The following FBXO2 variants were observed in gnomAD, a reference collection of about 807,000 sequenced individuals.
FBXO2 encodes F-box only protein 2.
Under a neutral mutation model 38.6 loss-of-function variants are expected in FBXO2, and 32 were observed. That is an observed-to-expected ratio of 0.83 (90% CI 0.62 to 1.11). The LOEUF (loss-of-function observed/expected upper bound fraction) is 1.11. Among genes scored for constraint, FBXO2 ranks in the 50% most tolerant of loss-of-function variants. The pLI is 0.00. For missense variants in FBXO2, 450 were observed against 418.3 expected (o/e 1.08, Z -0.66); for synonymous variants, 189 against 182.9 (o/e 1.03, Z -0.27).
chr1:11,650,081 G>A lies in FBXO2; in HGVS notation c.392-7C>T. 6.2e-6 allele frequency: 10 copies of A among 1,613,770 alleles called. No individual in the cohort carries two copies. Among genetic ancestry groups the A allele is most frequent in the Non-Finnish European group, 8.5e-6 (10 of 1,179,930 alleles). ...CACCAGCCTTCCAAGTCCTCTGTAG[G>A]GACACGACAGCCCCACCCTGGTCAC... On this transcript the variant is annotated splice_region_variant and splice_polypyrimidine_tract_variant and intron_variant, in intron 2 of 5. Transcript: ENST00000354287.
At position 11,649,952 on chromosome 1, in the gene FBXO2, A is replaced by G. The variant is rs753467420; in HGVS notation, c.514T>C (p.Ser172Pro). 1 of 1,613,890 alleles carries G rather than the reference A, an allele frequency of 6.2e-7. No individual in the cohort carries two copies. The highest frequency in any genetic ancestry group is 8.5e-7 in the Non-Finnish European group (1 of 1,179,968). The change falls in exon 3 of 6, where the codon TCC becomes CCC. Residue 172 changes from serine (S) to proline (P), a missense_variant. Ser to Pro is a moderately conservative substitution (Grantham distance 74). Coordinates refer to ENST00000354287, the MANE Select transcript of FBXO2 (RefSeq NM_012168.6). ...CCACCCCCTTCTCCTTACTCAAAGG[A>G]GGAGGCGAAGTACTTCTTGACGCTC... The part of the protein sequence containing the change: ...DESVKKYFAS[S>P]FEWCRKAQVI...
chr1:11,652,479 G>A lies in FBXO2; in HGVS notation c.23-1645C>T, dbSNP rs193290698. On this transcript the variant is annotated intron_variant, in intron 1 of 5. Transcript: ENST00000354287. ...AGACGTCCAAATCCCCTGAGGAAGG[G>A]GACAAGGGCATTCTGAATTGTAAGG... Among the ~76,000 whole-genome samples the A allele has an allele frequency of 4.6e-5, 7 of 152,334 alleles. No individual in the cohort carries two copies. In the East Asian group the frequency reaches 1.4e-3, roughly 29 times the overall value.
chr1:11,650,705 G>C lies in FBXO2; in HGVS notation c.152C>G (p.Pro51Arg). The C allele has an allele frequency of 6.5e-7, 1 of 1,531,110 alleles. No individual in the cohort carries two copies. The highest frequency in any genetic ancestry group is 8.7e-7 in the Non-Finnish European group (1 of 1,145,092). The allele number at this position is 1,531,110 out of a possible 1,614,324, so 94.8% of individuals were successfully genotyped here. The change falls in exon 2 of 6, where the codon CCC (proline) becomes CGC (arginine). Residue 51 changes from proline to arginine, a missense_variant. Transcript: ENST00000354287. ...CAGCACGCGCAGCAGCAGCGGCTCG[G>C]GCAGCTCGTCCAGGTACGCGGCGGC... Reference protein sequence around the residue: ...AAAAAYLDELPEPLLLRVLAA... With the variant: ...AAAAAYLDELREPLLLRVLAA...
At chr1:11,652,100 A>T (rs1399538191) in intron 1 of FBXO2, among the ~76,000 whole-genome samples, 3 of 152,196 alleles carry the variant, frequency 2.0e-5, no homozygotes, top group Non-Finnish European at 1.5e-5. Flanking sequence ...AAGTTCTGGG[A>T]TTACAGTCAT....
intron 1 of FBXO2, among the ~76,000 whole-genome samples, chr1:11,651,194 G>T (rs1205955537): frequency 6.6e-6 from 1 of 152,134 alleles, no homozygotes; most frequent in Non-Finnish European, 1.5e-5. Context: ...ACCACCCTCT[G>T]AGATTCCTGC....
intron 1 of FBXO2, among the ~76,000 whole-genome samples, chr1:11,651,691 G>A (rs78285627): frequency 0.012 from 1,785 of 150,026 alleles, 31 homozygotes; most frequent in African/African-American, 0.041. Flanking sequence ...AGTAGGCAGT[G>A]TTAGGATTTT....
intron 1 of FBXO2, 49 bp from the exon 2 acceptor site, chr1:11,650,883 C>A: frequency 6.5e-7 from 1 of 1,547,570 alleles, no homozygotes; most frequent in Non-Finnish European, 8.7e-7. Context: ...CCCTGTACTC[C>A]TCCAGGCCCC....
rs974271454 is a variant in FBXO2 at position 11,648,618 on chromosome 1, A to G, written c.*76T>C. The G allele has an allele frequency of 5.1e-6, 8 of 1,563,484 alleles. No individual in the cohort carries two copies. Among genetic ancestry groups the G allele is most frequent in the Middle Eastern group, 1.7e-4 (1 of 5,918 alleles). ...GTGGCTTGGGGAAGGTGAGGACGCT[A>G]TGGACTAAGTTAAGGCCTATCTACC... is the stretch of plus-strand genomic sequence containing the variant. On this transcript the variant is annotated 3_prime_UTR_variant, in exon 6 of 6. Coordinates refer to ENST00000354287, the MANE Select transcript of FBXO2 (RefSeq NM_012168.6). The surrounding 1 kb of genome is among the most constrained non-coding windows in gnomAD (Gnocchi z 4.2).
In FBXO2 at chr1:11,650,734, C is replaced by T. The variant is rs61749273; in HGVS notation, c.123G>A (p.Ala41=). The change falls in exon 2 of 6, where the codon GCG becomes GCA. Residue 41 remains alanine (A), a synonymous_variant. Transcript: ENST00000354287. ...RPEDQQEEEA[A]AAAAYLDELP... is the part of the protein sequence containing the mutation. ...GCTCGTCCAGGTACGCGGCGGCGGC[C>T]GCCGCCTCCTCCTCCTGCTGGTCCT... 6 of 1,183,822 alleles carry T rather than the reference C, an allele frequency of 5.1e-6. No homozygotes were observed. Among genetic ancestry groups the T allele is most frequent in the Non-Finnish European group, 4.6e-6 (4 of 866,336 alleles). 73.3% of individuals were successfully genotyped at this position (1,183,822 alleles called of 1,614,324 possible).
chr1:11,648,494 A>T lies in FBXO2; in HGVS notation c.*200T>A. The T allele has an allele frequency of 1.5e-6, 1 of 676,346 alleles. No homozygotes were observed. Among genetic ancestry groups the T allele is most frequent in the Non-Finnish European group, 2.5e-6 (1 of 406,658 alleles). The allele number at this position is 676,346 out of a possible 1,614,324, so 41.9% of individuals were successfully genotyped here. ...TCCAAGCTCACGCCCTCACGGATCT[A>T]CATTCTAGAAGCCGGCTACCTAAGC... On this transcript the variant is annotated 3_prime_UTR_variant, in exon 6 of 6. Transcript: ENST00000354287. The surrounding 1 kb of genome is among the most constrained non-coding windows in gnomAD (Gnocchi z 4.2).
chr1:11,648,824 G>A lies in FBXO2; in HGVS notation c.761C>T (p.Ser254Phe), dbSNP rs1403449284. Reference protein sequence around the residue: ...DSDGGGWMEISHTFTDYGPGV... With the variant: ...DSDGGGWMEIFHTFTDYGPGV... ...CGGCCCGTAGTCGGTGAAGGTGTGG[G>A]AGATCTGGGGGTGGAGGTAACAAGA... The change falls in exon 6 of 6, where the codon TCC becomes TTC. Residue 254 changes from serine to phenylalanine, a missense_variant. Ser to Phe is a radical substitution (Grantham distance 155). Transcript: ENST00000354287. This position sits in a 1 kb window ranked among gnomAD's most constrained non-coding sequence, Gnocchi z 4.2. The A allele has an allele frequency of 1.2e-6, 2 of 1,613,544 alleles. No individual in the cohort carries two copies. The highest frequency in any genetic ancestry group is 2.2e-5 in the East Asian group (1 of 44,896).
rs915055136 is a variant in FBXO2 at position 11,648,418 on chromosome 1, C to T, written c.*276G>A. On this transcript the variant is annotated 3_prime_UTR_variant, in exon 6 of 6. Transcript: ENST00000354287. This position sits in a 1 kb window ranked among gnomAD's most constrained non-coding sequence, Gnocchi z 4.2. ...GGACAAATAATATTTATTGAGAGCC[C>T]ACTTTGTGGCAAGCACTGTGCTAGG... is the stretch of plus-strand genomic sequence containing the variant. The T allele has an allele frequency of 1.1e-5, 5 of 439,564 alleles. No individual in the cohort carries two copies. The highest frequency in any genetic ancestry group is 4.4e-4 in the Middle Eastern group (1 of 2,292). 27.2% of individuals were successfully genotyped at this position (439,564 alleles called of 1,614,324 possible).
At chr1:11,652,215 G>T (rs550841481) in intron 1 of FBXO2, among the ~76,000 whole-genome samples, 1 of 152,190 alleles carries the variant, frequency 6.6e-6, no homozygotes, top group Non-Finnish European at 1.5e-5. Flanking sequence ...TTAGGGAAGG[G>T]GACATGGGAC....
Position 11,650,522 on chromosome 1 carries a change from T to C in FBXO2, c.335A>G (p.Gln112Arg), listed in dbSNP as rs1001500822. 1 of 1,605,834 alleles carries C rather than the reference T, an allele frequency of 6.2e-7. No individual in the cohort carries two copies. The highest frequency in any genetic ancestry group is 1.3e-5 in the African/African-American group (1 of 74,974). Residue 112 changes from glutamine to arginine, a missense_variant, in exon 2 of 6, where the codon CAG (glutamine) becomes CGG (arginine). Coordinates refer to ENST00000354287, the MANE Select transcript of FBXO2 (RefSeq NM_012168.6). ...GCGCCGCTTGCTCAGGAAGTAGAAC[T>C]GCTGCCAGTGGTCGCGCTCCTCCTC... is the stretch of plus-strand genomic sequence containing the variant. Reference protein sequence around the residue: ...GVEEERDHWQQFYFLSKRRRN... With the variant: ...GVEEERDHWQRFYFLSKRRRN...
rs900563766 is a variant in FBXO2 at position 11,648,795 on chromosome 1, C to A, written c.790G>T (p.Val264Phe). 9 of 1,613,622 alleles carry A rather than the reference C, an allele frequency of 5.6e-6. No individual in the cohort carries two copies. The highest frequency in any genetic ancestry group is 2.7e-5 in the African/African-American group (2 of 74,938). ...SHTFTDYGPG[V>F]RFVRFEHGGQ... The stretch of plus-strand genomic sequence containing the variant: ...CCGTGCTCGAAGCGGACGAAGCGGA[C>A]GCCCGGCCCGTAGTCGGTGAAGGTG... The change falls in exon 6 of 6, where the codon GTC (valine) becomes TTC (phenylalanine). Residue 264 changes from valine to phenylalanine, a missense_variant. Physicochemically the swap from Val to Phe is conservative, Grantham distance 50 (BLOSUM62 -1). Transcript: ENST00000354287. The surrounding 1 kb of genome is among the most constrained non-coding windows in gnomAD (Gnocchi z 4.2).
chr1:11,649,037 G>T, intron 5 of FBXO2, 50 bp downstream of exon 5: 2 of 1,523,240 alleles, frequency 1.3e-6, no homozygotes, highest in Non-Finnish European at 1.8e-6. Context: ...CTCGAGCCAC[G>T]CCCCTCATGT....
Position 11,650,839 on chromosome 1 carries a change from A to T in FBXO2, c.23-5T>A. The T allele has an allele frequency of 6.4e-7, 1 of 1,556,090 alleles. No homozygotes were observed. Among genetic ancestry groups the T allele is most frequent in the Non-Finnish European group, 8.6e-7 (1 of 1,157,290 alleles). On this transcript the variant is annotated splice_polypyrimidine_tract_variant and splice_region_variant and intron_variant, in intron 1 of 5. Coordinates refer to ENST00000354287, the MANE Select transcript of FBXO2 (RefSeq NM_012168.6). ...CCTCGGGCTGGCCCACGCTCTCTGC[A>T]GGCAGGGATGGGTGGGAGGCTGTGA... is the stretch of plus-strand genomic sequence containing the variant.
chr1:11,649,005 G>GCCCAGCCCCGCCCA, intron 5 of FBXO2, 82 bp downstream of exon 5: 1 of 1,357,744 alleles, frequency 7.4e-7, no homozygotes, highest in Non-Finnish European at 1.0e-6. Context: ...CCCCAGCCCA[G>GCCCAGCCCCGCCCA]GAGCGCTGTG....
intron 1 of FBXO2, chr1:11,653,965 G>A (rs759242008): frequency 1.2e-5 from 3 of 254,430 alleles, no homozygotes; most frequent in Non-Finnish European, 2.2e-5. Flanking sequence ...AGAGCTGGAA[G>A]AGCTGATGAA....
Sources: gnomAD v4.1 joint callset for allele counts (sites outside exome capture counted in the v4.1 genomes callset) on GRCh38, gnomAD v4.1.1 for gene constraint, Gnocchi (gnomAD v3.1) non-coding constraint, MANE v1.5 for transcripts, NCBI Gene and HGNC (gene_info 2026-07-23, HGNC 2026-07-21) for gene names.